The following XKR4 variants were observed in gnomAD, a reference collection of about 807,000 sequenced individuals.
XKR4 encodes the protein XK-related protein 4.
XKR4 carries 12 observed loss-of-function variants against 53.9 expected under a neutral mutation model. The observed-to-expected ratio is 0.22, with a 90% CI of 0.14 to 0.36. The LOEUF (loss-of-function observed/expected upper bound fraction) is 0.36, where lower values mean the gene tolerates loss of function less well. Among genes scored for constraint, XKR4 ranks in the 10% least tolerant of loss-of-function variants. The pLI, the probability that XKR4 is intolerant of heterozygous loss-of-function variation, is 1.00. For missense variants in XKR4, 799 were observed against 859.5 expected (o/e 0.93, Z 0.88); for synonymous variants, 354 against 362.4 (o/e 0.98, Z 0.26).
At chr8:55,399,296 G>A (rs911683867) in intron 2 of XKR4, among the ~76,000 whole-genome samples, 1 of 152,116 alleles carries the variant, frequency 6.6e-6, no homozygotes, top group African/African-American at 2.4e-5. Flanking sequence ...TGTCTGCTAT[G>A]GAAGGAGGCA....
At chr8:55,385,249 A>C (rs1271689320) in intron 2 of XKR4, among the ~76,000 whole-genome samples, 1 of 152,056 alleles carries the variant, frequency 6.6e-6, no homozygotes, top group African/African-American at 2.4e-5. Context: ...ATCACACCCC[A>C]CTTGACAAAT....
intron 1 of XKR4, among the ~76,000 whole-genome samples, chr8:55,160,619 C>T (rs1816970798): frequency 6.6e-6 from 1 of 152,194 alleles, no homozygotes; most frequent in Non-Finnish European, 1.5e-5. Context: ...TCACATGCCT[C>T]ACTCTGTTTC....
At chr8:55,277,919 T>C (rs1818785984) in intron 1 of XKR4, among the ~76,000 whole-genome samples, 1 of 152,266 alleles carries the variant, frequency 6.6e-6, no homozygotes, top group African/African-American at 2.4e-5. Context: ...TGAATATTTA[T>C]CATTATTGCT....
chr8:55,530,638 A>T lies in XKR4; in HGVS notation c.*6411A>T, dbSNP rs975996570. On this transcript the variant is annotated 3_prime_UTR_variant, in exon 3 of 3. Coordinates refer to ENST00000327381, the MANE Select transcript of XKR4 (RefSeq NM_052898.2). ...TGGTGTTTATTTTTAAAAAATCTTC[A>T]ATGATCAATATGAATGTAGTGTATT... 6.6e-6 allele frequency: 1 copy of T among 152,218 alleles called. No individual in the cohort carries two copies. The highest frequency in any genetic ancestry group is 2.4e-5 in the African/African-American group (1 of 41,460). 9.4% of individuals were successfully genotyped at this position (152,218 alleles called of 1,614,324 possible). A position where few individuals can be genotyped will look rare whatever the true frequency, so the allele number is the denominator to read the frequency against.
intron 2 of XKR4, among the ~76,000 whole-genome samples, chr8:55,410,618 G>A (rs867036086): frequency 1.3e-5 from 2 of 151,968 alleles, no homozygotes; most frequent in African/African-American, 2.4e-5. Context: ...TTGAAGCACC[G>A]TGCCTCTGCT....
At chr8:55,202,072 A>G (rs1030815432) in intron 1 of XKR4, among the ~76,000 whole-genome samples, 1 of 152,214 alleles carries the variant, frequency 6.6e-6, no homozygotes. Flanking sequence ...ACTCAGGCAA[A>G]TGGTGTGAAG....
At chr8:55,180,650 G>C (rs2129359684) in intron 1 of XKR4, among the ~76,000 whole-genome samples, 1 of 152,140 alleles carries the variant, frequency 6.6e-6, no homozygotes, top group African/African-American at 2.4e-5. Flanking sequence ...TCCTGCCTCA[G>C]CCTCCCGAGC....
chr8:55,523,291 G>T lies in XKR4; in HGVS notation c.1017G>T (p.Ala339=), dbSNP rs147261528. ...TGTTTGCCTTTGTAGGTTTCACAGC[G>T]GCAGCTTCCCTCGTGTCCCTGGCCT... The part of the protein sequence containing the change: ...HSLQALQGFT[A]AASLVSLAWA... The change falls in exon 3 of 3, where the codon GCG becomes GCT. Residue 339 remains alanine, a synonymous_variant. Transcript: ENST00000327381. The T allele has an allele frequency of 3.1e-6, 5 of 1,601,210 alleles. No individual in the cohort carries two copies. The highest frequency in any genetic ancestry group is 1.1e-5 in the South Asian group (1 of 89,382).
chr8:55,502,025 A>G (rs143743318), intron 2 of XKR4, among the ~76,000 whole-genome samples: 2 of 152,338 alleles, frequency 1.3e-5, no homozygotes, highest in Non-Finnish European at 1.5e-5. Flanking sequence ...AATGCTATGT[A>G]AGGAGTTGGT....
intron 2 of XKR4, among the ~76,000 whole-genome samples, chr8:55,467,097 C>T (rs1805786777): frequency 6.6e-6 from 1 of 152,078 alleles, no homozygotes; most frequent in Admixed American, 6.5e-5. Context: ...GGCACAGGGT[C>T]CTTCCCAAGC....
chr8:55,275,357 A>G (rs1209220534), intron 1 of XKR4, among the ~76,000 whole-genome samples: 1 of 152,242 alleles, frequency 6.6e-6, no homozygotes, highest in Non-Finnish European at 1.5e-5. Context: ...TATAGTTGAA[A>G]CAAAAGGGAA....
At position 55,454,992 on chromosome 8, in the gene XKR4, C is replaced by A; in HGVS notation, c.1007-68289C>A. The A allele has an allele frequency of 3.5e-6, 3 of 850,838 alleles. No homozygotes were observed. The South Asian group carries it at 4.1e-5, about 12-fold the overall frequency. The allele number at this position is 850,838 out of a possible 1,614,324, so 52.7% of individuals were successfully genotyped here. A position where few individuals can be genotyped will look rare whatever the true frequency, so the allele number is the denominator to read the frequency against. ...TTCCTCTCGGGACACATCTGCCACC[C>A]GCTGGACTGGCAAAACAGCTGGGGG... On this transcript the variant is annotated intron_variant, in intron 2 of 2. Coordinates refer to ENST00000327381, the MANE Select transcript of XKR4 (RefSeq NM_052898.2).
chr8:55,304,473 G>T (rs187434786), intron 1 of XKR4, among the ~76,000 whole-genome samples: 6 of 152,210 alleles, frequency 3.9e-5, no homozygotes, highest in Admixed American at 2.0e-4. Context: ...TGTATATTCT[G>T]TTGATTTGGG....
At chr8:55,342,916 G>T (rs544910374) in intron 1 of XKR4, among the ~76,000 whole-genome samples, 1 of 152,100 alleles carries the variant, frequency 6.6e-6, no homozygotes, top group Non-Finnish European at 1.5e-5. Flanking sequence ...GTATTCCCTC[G>T]AGAGGAGTGT....
chr8:55,255,370 G>T (rs1040211665), intron 1 of XKR4, among the ~76,000 whole-genome samples: 1 of 152,124 alleles, frequency 6.6e-6, no homozygotes. Flanking sequence ...TTAAAAATTA[G>T]GTACTTACTG....
intron 2 of XKR4, among the ~76,000 whole-genome samples, chr8:55,466,944 A>T (rs764417030): frequency 2.8e-4 from 43 of 152,210 alleles, no homozygotes; most frequent in Middle Eastern, 3.2e-3. Context: ...AAATTACCAC[A>T]GACTCAGCAG....
chr8:55,419,329 G>C (rs1804893113), intron 2 of XKR4, among the ~76,000 whole-genome samples: 1 of 152,164 alleles, frequency 6.6e-6, no homozygotes, highest in Admixed American at 6.5e-5. Flanking sequence ...AGATTGCAGT[G>C]AGCCAAGATC....
intron 2 of XKR4, chr8:55,454,875 C>T (rs548593883): frequency 4.2e-5 from 32 of 763,132 alleles, no homozygotes; most frequent in African/African-American, 3.2e-4. Context: ...ATCCTTAGCG[C>T]GTGTCGTTTC....
At chr8:55,214,755 G>A (rs1164509244) in intron 1 of XKR4, among the ~76,000 whole-genome samples, 2 of 152,186 alleles carry the variant, frequency 1.3e-5, no homozygotes, top group Non-Finnish European at 2.9e-5. Context: ...GGGTACCTAA[G>A]GGGAGGGGTG....
Sources: allele counts gnomAD v4.1 joint callset (sites outside exome capture counted in the v4.1 genomes callset), GRCh38; gene constraint gnomAD v4.1.1; transcripts MANE v1.5; gene names NCBI Gene and HGNC (gene_info 2026-07-23, HGNC 2026-07-21).